Variants in SEMA6B observed in about 807,000 individuals in gnomAD.
SEMA6B encodes the protein semaphorin-6B.
Under a neutral mutation model 78.6 loss-of-function variants are expected in SEMA6B, and 47 were observed. The observed-to-expected ratio is 0.60, with a 90% CI of 0.47 to 0.76. The LOEUF is 0.76. Ranked by LOEUF, SEMA6B falls within the 30% of genes least tolerant of loss-of-function variation. SEMA6B has a pLI of 0.00. For synonymous variants in SEMA6B, 632 were observed against 592.2 expected (o/e 1.07, Z -0.98); for missense variants, 1,213 against 1,269.9 (o/e 0.96, Z 0.68).
Position 4,556,637 on chromosome 19 carries a change from G to T in SEMA6B, c.369+314C>A, listed in dbSNP as rs1599782982. 4.6e-5 allele frequency among the ~76,000 whole-genome samples: 7 copies of T among 152,078 alleles called. No individual in the cohort carries two copies. In the South Asian group the frequency reaches 1.5e-3, roughly 32 times the overall value. ...GAACATGGCCTGGGCTTGTTGGAAC[G>T]AGGCTGGGGGTGGTGGTAGGACTGA... On this transcript the variant is annotated intron_variant, in intron 5 of 16. Coordinates refer to ENST00000586582, the MANE Select transcript of SEMA6B (RefSeq NM_032108.4).
Position 4,544,596 on chromosome 19 carries a change from T to C in SEMA6B, c.1739-67A>G. 1.1e-6 allele frequency: 1 copy of C among 890,484 alleles called. No individual in the cohort carries two copies. The highest frequency in any genetic ancestry group is 3.1e-5 in the South Asian group (1 of 32,068). 55.2% of individuals were successfully genotyped at this position (890,484 alleles called of 1,614,324 possible). ...GGCCCTGGGCATCCCTCCTACCTCCTCGGGGCCCTCTGTCCTCTTTTTTAT... is the reference window on the plus strand; with the variant it reads ...GGCCCTGGGCATCCCTCCTACCTCCCCGGGGCCCTCTGTCCTCTTTTTTAT... On this transcript the variant is annotated intron_variant, in intron 16 of 16. Coordinates refer to ENST00000586582, the MANE Select transcript of SEMA6B (RefSeq NM_032108.4). This position sits in a 1 kb window ranked among gnomAD's most constrained non-coding sequence, Gnocchi z 5.1.
intron 5 of SEMA6B, 93 bp downstream of exon 5, chr19:4,556,858 G>T: frequency 9.1e-6 from 11 of 1,210,806 alleles, no homozygotes; most frequent in Non-Finnish European, 1.2e-5. Flanking sequence ...GCCAGGGCTG[G>T]CGGGGTGGGC....
Position 4,558,536 on chromosome 19 carries a change from G to A in SEMA6B, c.-32-47C>T. ...GTGAGCGGCCTGCAGTCCCGCTCGT[G>A]GCCACAAGACGGCGGGCGAGAGCAG... On this transcript the variant is annotated intron_variant, in intron 1 of 16. Transcript: ENST00000586582. The surrounding 1 kb of genome is among the most constrained non-coding windows in gnomAD (Gnocchi z 5.1). 10 of 1,203,634 alleles carry A rather than the reference G, an allele frequency of 8.3e-6. No individual in the cohort carries two copies. The highest frequency in any genetic ancestry group is 4.2e-5 in the South Asian group (1 of 24,072). The allele number at this position is 1,203,634 out of a possible 1,614,324, so 74.6% of individuals were successfully genotyped here.
chr19:4,557,566 G>C (rs1481692179), intron 3 of SEMA6B, among the ~76,000 whole-genome samples: 2 of 152,198 alleles, frequency 1.3e-5, no homozygotes, highest in East Asian at 1.9e-4. Context: ...TGGTGACCTC[G>C]TGTAGTTAAG....
At chr19:4,553,956 G>A (rs1360751663) in intron 9 of SEMA6B, among the ~76,000 whole-genome samples, 1 of 152,074 alleles carries the variant, frequency 6.6e-6, no homozygotes, top group African/African-American at 2.4e-5. Context: ...TGAGTGCACG[G>A]ATGGATGGTA....
rs1222056931 is a variant in SEMA6B, at chr19:4,542,794, C to A, written c.*807G>T. On this transcript the variant is annotated 3_prime_UTR_variant, in exon 17 of 17. Coordinates refer to ENST00000586582, the MANE Select transcript of SEMA6B (RefSeq NM_032108.4). ...GGGGCCCCACCCACCTTCGCCGCCC[C>A]CCAGGCCCCCAAGCCCTTTAGACAG... 2.9e-6 allele frequency: 2 copies of A among 701,268 alleles called. No individual in the cohort carries two copies. The highest frequency in any genetic ancestry group is 4.0e-5 in the Admixed American group (2 of 49,996). The allele number at this position is 701,268 out of a possible 1,614,324, so 43.4% of individuals were successfully genotyped here. A position where few individuals can be genotyped will look rare whatever the true frequency, so the allele number is the denominator to read the frequency against.
rs2145359330 is a variant in SEMA6B at position 4,556,847 on chromosome 19, G to A, written c.369+104C>T. Reference sequence around the variant, plus strand: ...GCTGATTGGGGGTGGGTTGGGGCGTGGCCAGGGCTGGCGGGGTGGGCGTGG... The same window carrying A: ...GCTGATTGGGGGTGGGTTGGGGCGTAGCCAGGGCTGGCGGGGTGGGCGTGG... On this transcript the variant is annotated intron_variant, in intron 5 of 16. Coordinates refer to ENST00000586582, the MANE Select transcript of SEMA6B (RefSeq NM_032108.4). 40 of 1,086,760 alleles carry A rather than the reference G, an allele frequency of 3.7e-5. 1 individual carries two copies. In the South Asian group the frequency reaches 5.7e-4, roughly 15 times the overall value. 67.3% of individuals were successfully genotyped at this position (1,086,760 alleles called of 1,614,324 possible). A position where few individuals can be genotyped will look rare whatever the true frequency, so the allele number is the denominator to read the frequency against.
At position 4,543,217 on chromosome 19, in the gene SEMA6B, G is replaced by GC. The variant is rs1346841274; in HGVS notation, c.*383dup. 7.8e-5 allele frequency: 43 copies of GC among 549,012 alleles called. No individual in the cohort carries two copies. The highest frequency in any genetic ancestry group is 3.3e-5 in the Admixed American group (1 of 30,746). 34.0% of individuals were successfully genotyped at this position (549,012 alleles called of 1,614,324 possible). A position where few individuals can be genotyped will look rare whatever the true frequency, so the allele number is the denominator to read the frequency against. On this transcript the variant is annotated 3_prime_UTR_variant, in exon 17 of 17. Transcript: ENST00000586582. ...GGGAGGGCTTAGGTCTGCAGCTGTG[G>GC]CCCCCCATTCCCCACCGGCGTCCAA...
Position 4,552,191 on chromosome 19 carries a change from C to T in SEMA6B, c.989+231G>A, listed in dbSNP as rs1252420078. 1.3e-5 allele frequency among the ~76,000 whole-genome samples: 2 copies of T among 152,186 alleles called. No homozygotes were observed. ...CCCCTCCTCCAGGAAGCCCTCCCTG[C>T]TCCTCTCCCCAAAGGCAGAGGATGA... is the stretch of plus-strand genomic sequence containing the variant. On this transcript the variant is annotated intron_variant, in intron 10 of 16. Transcript: ENST00000586582. This position sits in a 1 kb window ranked among gnomAD's most constrained non-coding sequence, Gnocchi z 7.4.
intron 12 of SEMA6B, among the ~76,000 whole-genome samples, chr19:4,549,760 G>T (rs574945484): frequency 6.6e-6 from 1 of 152,208 alleles, no homozygotes; most frequent in East Asian, 1.9e-4. Context: ...TTACAGGCGT[G>T]AGCCACCATG....
intron 9 of SEMA6B, 90 bp downstream of exon 9, chr19:4,554,298 C>A (rs1467173219): frequency 8.7e-6 from 9 of 1,031,388 alleles, no homozygotes; most frequent in Non-Finnish European, 1.4e-5. Flanking sequence ...GACCCTCTCA[C>A]CCCATGCAGG....
Position 4,543,743 on chromosome 19 carries a change from G to T in SEMA6B, c.2525C>A (p.Thr842Asn). The T allele has an allele frequency of 9.0e-6, 11 of 1,227,248 alleles. No homozygotes were observed. The highest frequency in any genetic ancestry group is 1.1e-5 in the Non-Finnish European group (11 of 985,044). The allele number at this position is 1,227,248 out of a possible 1,614,324, so 76.0% of individuals were successfully genotyped here. A position where few individuals can be genotyped will look rare whatever the true frequency, so the allele number is the denominator to read the frequency against. ...PLGPHAPPAA[T>N]LRRTHTFNSG... is the part of the protein sequence containing the mutation. ...GTTGAACGTGTGGGTGCGGCGCAGG[G>T]TGGCGGCCGGAGGGGCGTGGGGGCC... is the stretch of plus-strand genomic sequence containing the variant. The change falls in exon 17 of 17, where the codon ACC becomes AAC. Residue 842 changes from threonine (T) to asparagine (N), a missense_variant. Physicochemically the swap from Thr to Asn is moderately conservative, Grantham distance 65. Transcript: ENST00000586582.
chr19:4,558,333 TCA>T lies in SEMA6B; in HGVS notation c.121+2_121+3del, dbSNP rs1484341347. On this transcript the variant is annotated splice_donor_variant and splice_donor_region_variant and intron_variant, in intron 2 of 16. Transcript: ENST00000586582. LOFTEE classifies it high-confidence loss of function. The surrounding 1 kb of genome is among the most constrained non-coding windows in gnomAD (Gnocchi z 5.1). ...CCCCCGCCCAAAGACACCCCCAGAC[TCA>T]CAGTCCCTGGGGGCCACGCTAAGCG... 1.5e-6 allele frequency: 2 copies of T among 1,318,892 alleles called. No individual in the cohort carries two copies. The highest frequency in any genetic ancestry group is 1.5e-5 in the African/African-American group (1 of 66,144). The allele number at this position is 1,318,892 out of a possible 1,614,324, so 81.7% of individuals were successfully genotyped here. A position where few individuals can be genotyped will look rare whatever the true frequency, so the allele number is the denominator to read the frequency against.
intron 12 of SEMA6B, among the ~76,000 whole-genome samples, chr19:4,549,244 GTCTC>G (rs58915234): frequency 0.013 from 1,899 of 148,624 alleles, 80 homozygotes; most frequent in Admixed American, 0.075. Flanking sequence ...CTCTCTCCCT[GTCTC>G]TCTGTCTCTT....
In SEMA6B at chr19:4,548,288, C is replaced by G. The variant is rs370222017; in HGVS notation, c.1429G>C (p.Glu477Gln). ...CTGTCCGGCCGGTAGGTCTCAAACT[C>G]CTCCAGGAAGACACTGAGCCCAGAC... is the stretch of plus-strand genomic sequence containing the variant. Reference protein sequence around the residue: ...GTSGLSVFLEEFETYRPDRCG... With the variant: ...GTSGLSVFLEQFETYRPDRCG... Residue 477 changes from glutamate to glutamine, a missense_variant, in exon 13 of 17, where the codon GAG becomes CAG. Physicochemically the swap from Glu to Gln is conservative, Grantham distance 29 (BLOSUM62 2). Transcript: ENST00000586582. 6.2e-7 allele frequency: 1 copy of G among 1,613,306 alleles called. No homozygotes were observed.
intron 14 of SEMA6B, among the ~76,000 whole-genome samples, chr19:4,547,605 C>T (rs1977203075): frequency 6.6e-6 from 1 of 152,172 alleles, no homozygotes; most frequent in African/African-American, 2.4e-5. Flanking sequence ...CCTGGTTCTC[C>T]TTCCCCTGCA....
rs983460534 is a variant in SEMA6B at position 4,542,981 on chromosome 19, C to G, written c.*620G>C. ...GAAGCCCCAGCGTCGGCTCAGCCAACGCCCAGGCCGCTGGGGCCACCACGA... is the reference window on the plus strand; with the variant it reads ...GAAGCCCCAGCGTCGGCTCAGCCAAGGCCCAGGCCGCTGGGGCCACCACGA... On this transcript the variant is annotated 3_prime_UTR_variant, in exon 17 of 17. Transcript: ENST00000586582. The G allele has an allele frequency of 5.7e-6, 4 of 698,860 alleles. No homozygotes were observed. The highest frequency in any genetic ancestry group is 1.0e-5 in the Non-Finnish European group (4 of 383,416). 43.3% of individuals were successfully genotyped at this position (698,860 alleles called of 1,614,324 possible).
rs560506671 is a variant in SEMA6B at position 4,544,231 on chromosome 19, G to A, written c.2037C>T (p.Ala679=). 287 of 1,273,952 alleles carry A rather than the reference G, an allele frequency of 2.3e-4. No homozygotes were observed. The African/African-American group carries it at 4.1e-3, about 18-fold the overall frequency. 78.9% of individuals were successfully genotyped at this position (1,273,952 alleles called of 1,614,324 possible). The change falls in exon 17 of 17, where the codon GCC becomes GCT. Residue 679 remains alanine, a synonymous_variant. Coordinates refer to ENST00000586582, the MANE Select transcript of SEMA6B (RefSeq NM_032108.4). This position sits in a 1 kb window ranked among gnomAD's most constrained non-coding sequence, Gnocchi z 5.1. The part of the protein sequence containing the change: ...GGGGAGVPPE[A]LLAPLMQNGW... Reference sequence around the variant, plus strand: ...CGTTCTGCATCAGGGGCGCCAGCAGGGCCTCCGGGGGAACCCCGGCGCCAC... The same window carrying A: ...CGTTCTGCATCAGGGGCGCCAGCAGAGCCTCCGGGGGAACCCCGGCGCCAC...
rs781414320 is a variant in SEMA6B, at chr19:4,548,268, C to T, written c.1449G>A (p.Pro483=). 3.1e-6 allele frequency: 5 copies of T among 1,606,828 alleles called. No homozygotes were observed. Among genetic ancestry groups the T allele is most frequent in the South Asian group, 2.2e-5 (2 of 91,014 alleles). The change falls in exon 13 of 17, where the codon CCG becomes CCA. Residue 483 remains proline, a synonymous_variant. Coordinates refer to ENST00000586582, the MANE Select transcript of SEMA6B (RefSeq NM_032108.4). The part of the protein sequence containing the change: ...VFLEEFETYR[P]DRCGRPGGGE... Reference sequence around the variant, plus strand: ...CCACCTTTGCCCAGACTTACCTGTCCGGCCGGTAGGTCTCAAACTCCTCCA... The same window carrying T: ...CCACCTTTGCCCAGACTTACCTGTCTGGCCGGTAGGTCTCAAACTCCTCCA...
Sources: gnomAD v4.1 joint callset for allele counts (sites outside exome capture counted in the v4.1 genomes callset) on GRCh38, gnomAD v4.1.1 for gene constraint, Gnocchi (gnomAD v3.1) non-coding constraint, MANE v1.5 for transcripts, NCBI Gene and HGNC (gene_info 2026-07-23, HGNC 2026-07-21) for gene names.